Variants in RAD1 observed in about 807,000 individuals in gnomAD.
The protein encoded by RAD1 is RAD1 checkpoint DNA exonuclease.
Under a neutral mutation model 30.0 loss-of-function variants are expected in RAD1, and 21 were observed. That is an observed-to-expected ratio of 0.70 (90% CI 0.50 to 1.01). The LOEUF is 1.01. RAD1 is among the 50% of genes least tolerant of loss of function. The pLI is 0.00. For missense variants in RAD1, 329 were observed against 329.0 expected, an observed-to-expected ratio of 1.00 and a Z score of 0.00; for synonymous variants, 109 against 113.6, an observed-to-expected ratio of 0.96 and a Z score of 0.26.
At chr5:34,912,771 G>A (rs893521648) in intron 3 of RAD1, among the ~76,000 whole-genome samples, 4 of 152,084 alleles carry the variant, frequency 2.6e-5, no homozygotes, top group East Asian at 1.9e-4. Context: ...AGACTGAGGC[G>A]GGCAGATCAC....
At position 34,908,867 on chromosome 5, in the gene RAD1, G is replaced by A; in HGVS notation, c.747C>T (p.Gly249=). 6.2e-7 allele frequency: 1 copy of A among 1,612,944 alleles called. No individual in the cohort carries two copies. Among genetic ancestry groups the A allele is most frequent in the Non-Finnish European group, 8.5e-7 (1 of 1,179,186 alleles). ...TAATCATATACTGTAATGAAAGGAA[G>A]CCTCTGTTATCTGTCCGAATAGATA... ...CKVSIRTDNR[G]FLSLQYMIRN... is the part of the protein sequence containing the mutation. The change falls in exon 6 of 6, where the codon GGC becomes GGT. Residue 249 remains glycine, a synonymous_variant. Transcript: ENST00000382038.
intron 3 of RAD1, 105 bp downstream of exon 3, chr5:34,913,365 T>C (rs570439239): frequency 5.2e-5 from 28 of 543,286 alleles, no homozygotes; most frequent in African/African-American, 4.0e-4. Context: ...GAAAAATGAA[T>C]TGGCATTAGC....
chr5:34,911,237 T>C (rs1763829631), intron 4 of RAD1, among the ~76,000 whole-genome samples: 1 of 152,184 alleles, frequency 6.6e-6, no homozygotes, highest in South Asian at 2.1e-4. Context: ...TTCCAAACAC[T>C]TAAACCCAAT....
chr5:34,914,244 A>C (rs2111954977), intron 2 of RAD1, among the ~76,000 whole-genome samples: 1 of 152,356 alleles, frequency 6.6e-6, no homozygotes, highest in South Asian at 2.1e-4. Flanking sequence ...TATTCTGGAA[A>C]CAAATATTCA....
chr5:34,909,876 C>T (rs887728010), intron 4 of RAD1, among the ~76,000 whole-genome samples: 1 of 152,178 alleles, frequency 6.6e-6, no homozygotes, highest in African/African-American at 2.4e-5. Flanking sequence ...ACTCCTGGAA[C>T]ATTTGCTGCA....
intron 4 of RAD1, among the ~76,000 whole-genome samples, 181 bp downstream of exon 4, chr5:34,911,373 G>A (rs1763833207): frequency 1.3e-5 from 2 of 152,152 alleles, no homozygotes; most frequent in South Asian, 4.1e-4. Context: ...GAAATAGTGA[G>A]TTAATCTTCC....
chr5:34,914,019 C>T (rs1287089265), intron 2 of RAD1: 1 of 456,624 alleles, frequency 2.2e-6, no homozygotes, highest in South Asian at 1.5e-5. Context: ...AGCCACCATA[C>T]CATGCCCCTG....
chr5:34,909,603 C>A (rs1327040517), intron 4 of RAD1, among the ~76,000 whole-genome samples: 1 of 152,120 alleles, frequency 6.6e-6, no homozygotes, highest in Admixed American at 6.5e-5. Flanking sequence ...AATTTCATTA[C>A]CCTAATCCTA....
At chr5:34,909,901 C>T (rs1444516199) in intron 4 of RAD1, among the ~76,000 whole-genome samples, 1 of 152,162 alleles carries the variant, frequency 6.6e-6, no homozygotes, top group Non-Finnish European at 1.5e-5. Flanking sequence ...TAGCACGTTG[C>T]TAAGTATTAT....
rs922204080 is a variant in RAD1, at chr5:34,906,428, C to A, written c.*2337G>T. The A allele has an allele frequency of 6.6e-6, 1 of 152,058 alleles. No individual in the cohort carries two copies. The allele number at this position is 152,058 out of a possible 1,614,324, so 9.4% of individuals were successfully genotyped here. On this transcript the variant is annotated 3_prime_UTR_variant, in exon 6 of 6. Coordinates refer to ENST00000382038, the MANE Select transcript of RAD1 (RefSeq NM_002853.4). ...CCGAGGCGGGTGGATTGCTTGAGCTCAGGAGTTCAAGATTAGCCTAGGGAA... is the reference window on the plus strand; with the variant it reads ...CCGAGGCGGGTGGATTGCTTGAGCTAAGGAGTTCAAGATTAGCCTAGGGAA...
At chr5:34,911,480 C>T in intron 4 of RAD1, 74 bp downstream of exon 4, 1 of 1,518,074 alleles carries the variant, frequency 6.6e-7, no homozygotes, top group Non-Finnish European at 8.9e-7. Context: ...AAAAATTTTG[C>T]ATCCTAAGCA....
At position 34,908,533 on chromosome 5, in the gene RAD1, A is replaced by G. The variant is rs1224829114; in HGVS notation, c.*232T>C. On this transcript the variant is annotated 3_prime_UTR_variant, in exon 6 of 6. Coordinates refer to ENST00000382038, the MANE Select transcript of RAD1 (RefSeq NM_002853.4). ...TCCCATGAGTTCAAAAGACAGAACT[A>G]AAGGACAGTCCTGAATAATCTATGA... 2 of 366,846 alleles carry G rather than the reference A, an allele frequency of 5.5e-6. No individual in the cohort carries two copies. Among genetic ancestry groups the G allele is most frequent in the Non-Finnish European group, 4.9e-6 (1 of 203,962 alleles). The allele number at this position is 366,846 out of a possible 1,614,324, so 22.7% of individuals were successfully genotyped here. A position where few individuals can be genotyped will look rare whatever the true frequency, so the allele number is the denominator to read the frequency against.
intron 3 of RAD1, 134 bp downstream of exon 3, chr5:34,913,336 A>G: frequency 2.1e-6 from 1 of 477,816 alleles, no homozygotes; most frequent in Non-Finnish European, 3.8e-6. Context: ...AAATGTTAGA[A>G]CCCATGACTG....
At position 34,908,697 on chromosome 5, in the gene RAD1, G is replaced by C; in HGVS notation, c.*68C>G. The C allele has an allele frequency of 2.2e-6, 3 of 1,357,838 alleles. No individual in the cohort carries two copies. The highest frequency in any genetic ancestry group is 3.0e-6 in the Non-Finnish European group (3 of 989,720). The allele number at this position is 1,357,838 out of a possible 1,614,324, so 84.1% of individuals were successfully genotyped here. Reference sequence around the variant, plus strand: ...AAAATCCAATATGAAATGACAAAGAGTACTGTACTCAGAATAAGAACTTCA... The same window carrying C: ...AAAATCCAATATGAAATGACAAAGACTACTGTACTCAGAATAAGAACTTCA... On this transcript the variant is annotated 3_prime_UTR_variant, in exon 6 of 6. Coordinates refer to ENST00000382038, the MANE Select transcript of RAD1 (RefSeq NM_002853.4).
At chr5:34,909,726 C>T (rs1763769577) in intron 4 of RAD1, among the ~76,000 whole-genome samples, 1 of 152,278 alleles carries the variant, frequency 6.6e-6, no homozygotes, top group Non-Finnish European at 1.5e-5. Context: ...GGTCTGTTCC[C>T]AATCCTACAC....
chr5:34,907,928 G>GC lies in RAD1; in HGVS notation c.*836dup, dbSNP rs41268165. 1 of 152,226 alleles carries GC rather than the reference G, an allele frequency of 6.6e-6. No individual in the cohort carries two copies. Among genetic ancestry groups the GC allele is most frequent in the East Asian group, 1.9e-4 (1 of 5,182 alleles). The allele number at this position is 152,226 out of a possible 1,614,324, so 9.4% of individuals were successfully genotyped here. ...AACAGTGGTTCCCAAAATTTAGCAGGCATCAGAATCTCCTGAGGGAAGCTT... is the reference window on the plus strand; with the variant it reads ...AACAGTGGTTCCCAAAATTTAGCAGGCCATCAGAATCTCCTGAGGGAAGCTT... On this transcript the variant is annotated 3_prime_UTR_variant, in exon 6 of 6. Coordinates refer to ENST00000382038, the MANE Select transcript of RAD1 (RefSeq NM_002853.4).
At chr5:34,909,231 A>G (rs200140953) in intron 5 of RAD1, 27 bp downstream of exon 5, 151 of 1,492,216 alleles carry the variant, frequency 1.0e-4, no homozygotes, top group South Asian at 1.6e-4. Flanking sequence ...TTTATCACCA[A>G]TGACAACCTC....
At position 34,907,441 on chromosome 5, in the gene RAD1, T is replaced by C. The variant is rs1341467704; in HGVS notation, c.*1324A>G. ...CTGTCCATGGAGGGACACTCAGCTG[T>C]TGTCACCTGGTACAGTAACAAAGAC... On this transcript the variant is annotated 3_prime_UTR_variant, in exon 6 of 6. Transcript: ENST00000382038. 6.6e-6 allele frequency: 1 copy of C among 152,214 alleles called. No homozygotes were observed. Among genetic ancestry groups the C allele is most frequent in the Non-Finnish European group, 1.5e-5 (1 of 68,046 alleles). 9.4% of individuals were successfully genotyped at this position (152,214 alleles called of 1,614,324 possible).
intron 4 of RAD1, among the ~76,000 whole-genome samples, chr5:34,910,319 T>C (rs1227715257): frequency 1.3e-5 from 2 of 152,214 alleles, no homozygotes; most frequent in Non-Finnish European, 2.9e-5. Context: ...TTTTACTTCA[T>C]TCCACTGCTA....
Sources: allele counts gnomAD v4.1 joint callset (sites outside exome capture counted in the v4.1 genomes callset), GRCh38; gene constraint gnomAD v4.1.1; transcripts MANE v1.5; gene names NCBI Gene and HGNC (gene_info 2026-07-23, HGNC 2026-07-21).